USH2A: variants seen among roughly 807,000 people sequenced by gnomAD.
The protein encoded by USH2A is usherin.
USH2A carries 443 observed loss-of-function variants against 538.9 expected under a neutral mutation model. That is an observed-to-expected ratio of 0.82 (90% CI 0.76 to 0.89). USH2A has a LOEUF of 0.89. USH2A is among the 40% of genes least tolerant of loss of function. The pLI is 0.00. For synonymous variants in USH2A, 2,413 were observed against 2,273.5 expected (o/e 1.06, Z -1.75); for missense variants, 6,633 against 6,324.8 (o/e 1.05, Z -1.65).
chr1:215,731,276 G>T (rs776379757), intron 60 of USH2A, among the ~76,000 whole-genome samples: 5 of 152,146 alleles, frequency 3.3e-5, no homozygotes, highest in African/African-American at 1.2e-4. Flanking sequence ...ATTTCTTATC[G>T]CTATTGAATC....
At chr1:215,995,544 C>G (rs974225639) in intron 34 of USH2A, among the ~76,000 whole-genome samples, 4 of 152,100 alleles carry the variant, frequency 2.6e-5, no homozygotes, top group African/African-American at 9.7e-5. Flanking sequence ...GAAATTGAAC[C>G]AATCAGTATC....
intron 47 of USH2A, among the ~76,000 whole-genome samples, chr1:215,833,024 A>G (rs1172723484): frequency 6.6e-6 from 1 of 151,986 alleles, no homozygotes; most frequent in East Asian, 1.9e-4. Flanking sequence ...GTATTTGCAT[A>G]CTGGATTATA....
intron 34 of USH2A, among the ~76,000 whole-genome samples, chr1:215,994,346 T>G (rs1413771491): frequency 2.6e-5 from 4 of 152,200 alleles, no homozygotes; most frequent in African/African-American, 9.6e-5. Flanking sequence ...TAGTCGATAT[T>G]CTTTTCCCCA....
chr1:216,375,718 A>G (rs1395673335), intron 3 of USH2A, among the ~76,000 whole-genome samples: 1 of 152,134 alleles, frequency 6.6e-6, no homozygotes, highest in Non-Finnish European at 1.5e-5. Flanking sequence ...GTTTGGTGCA[A>G]GAGGACTAGC....
intron 32 of USH2A, among the ~76,000 whole-genome samples, chr1:216,033,044 A>G (rs182330044): frequency 1.1e-3 from 170 of 152,312 alleles, no homozygotes; most frequent in Admixed American, 3.2e-3. Context: ...GGCCTGGCCC[A>G]TAACAATCTG....
chr1:216,339,102 A>G (rs2038027592), intron 4 of USH2A, among the ~76,000 whole-genome samples: 1 of 151,640 alleles, frequency 6.6e-6, no homozygotes, highest in Non-Finnish European at 1.5e-5. Context: ...ATATAAAGAG[A>G]AAAGCTAACT....
intron 30 of USH2A, among the ~76,000 whole-genome samples, chr1:216,065,500 A>T (rs1431577796): frequency 1.3e-5 from 2 of 152,242 alleles, no homozygotes; most frequent in Non-Finnish European, 2.9e-5. Flanking sequence ...TTTTTAAAAA[A>T]TGACAAAACT....
chr1:215,847,339 T>G (rs1663877504), intron 44 of USH2A, among the ~76,000 whole-genome samples: 1 of 152,086 alleles, frequency 6.6e-6, no homozygotes, highest in African/African-American at 2.4e-5. Context: ...CTTCTGAAAT[T>G]TCATGTCAAA....
intron 64 of USH2A, among the ~76,000 whole-genome samples, chr1:215,654,173 A>T (rs928147720): frequency 6.6e-6 from 1 of 152,024 alleles, no homozygotes; most frequent in Non-Finnish European, 1.5e-5. Flanking sequence ...ACATATATAT[A>T]TTTTTTTATT....
At chr1:216,294,982 G>C (rs1023027277) in intron 9 of USH2A, among the ~76,000 whole-genome samples, 8 of 151,564 alleles carry the variant, frequency 5.3e-5, no homozygotes, top group African/African-American at 1.9e-4. Context: ...TAAATATACA[G>C]TTATATTTAT....
chr1:216,354,753 G>C (rs2038349845), intron 4 of USH2A, among the ~76,000 whole-genome samples: 1 of 151,592 alleles, frequency 6.6e-6, no homozygotes. Flanking sequence ...AATATCTATG[G>C]GACAATATCT....
chr1:216,396,417 TCA>T (rs1478841994), intron 3 of USH2A, among the ~76,000 whole-genome samples: 1 of 152,176 alleles, frequency 6.6e-6, no homozygotes, highest in African/African-American at 2.4e-5. Context: ...GAGTTTATGC[TCA>T]GTTACACTAG....
At chr1:216,241,040 T>A (rs972392121) in intron 13 of USH2A, among the ~76,000 whole-genome samples, 26 of 152,112 alleles carry the variant, frequency 1.7e-4, no homozygotes, top group African/African-American at 6.0e-4. Context: ...AGACAAATTT[T>A]TTGAGCAAAG....
chr1:216,353,741 C>T (rs540177769), intron 4 of USH2A, among the ~76,000 whole-genome samples: 1 of 152,162 alleles, frequency 6.6e-6, no homozygotes, highest in South Asian at 2.1e-4. Flanking sequence ...TCAACATCTG[C>T]TTTAAATGTA....
At chr1:216,204,475 C>G (rs532447412) in intron 16 of USH2A, 3 of 152,228 alleles carry the variant, frequency 2.0e-5, no homozygotes, top group African/African-American at 4.8e-5. Flanking sequence ...ACCAGTATAT[C>G]ATGATCCTAA....
At chr1:216,296,065 T>A (rs2037098203) in intron 9 of USH2A, among the ~76,000 whole-genome samples, 1 of 152,014 alleles carries the variant, frequency 6.6e-6, no homozygotes, top group South Asian at 2.1e-4. Flanking sequence ...TGTGTTGCTG[T>A]TTAATGGTAT....
chr1:215,654,844 T>C (rs1272596538), intron 64 of USH2A, among the ~76,000 whole-genome samples: 1 of 152,198 alleles, frequency 6.6e-6, no homozygotes, highest in African/African-American at 2.4e-5. Context: ...ATTAAAAAAA[T>C]GAAATTGTTC....
At chr1:216,341,910 C>A (rs146718677) in intron 4 of USH2A, among the ~76,000 whole-genome samples, 1 of 152,136 alleles carries the variant, frequency 6.6e-6, no homozygotes, top group Non-Finnish European at 1.5e-5. Flanking sequence ...AAAACCTAGG[C>A]GATACCATTC....
At chr1:216,192,417 T>C (rs537801367) in intron 19 of USH2A, among the ~76,000 whole-genome samples, 14 of 152,090 alleles carry the variant, frequency 9.2e-5, no homozygotes, top group Admixed American at 3.9e-4. Context: ...GTAGGCCCAG[T>C]GCAGTGGCTC....
Sources: gnomAD v4.1 joint callset for allele counts (sites outside exome capture counted in the v4.1 genomes callset) on GRCh38, gnomAD v4.1.1 for gene constraint, MANE v1.5 for transcripts, NCBI Gene and HGNC (gene_info 2026-07-23, HGNC 2026-07-21) for gene names.